Variants in PEMT observed in about 807,000 individuals in gnomAD.
The protein encoded by PEMT is phospholipid methyltransferase.
In PEMT, 23 loss-of-function variants were observed where a neutral mutation model predicts 27.4. That is an observed-to-expected ratio of 0.84 (90% CI 0.60 to 1.19). PEMT has a LOEUF of 1.19. Ranked by LOEUF, PEMT falls within the 50% of genes most tolerant of loss-of-function variation. The probability of loss-of-function intolerance (pLI) is 0.00; values close to 1 mark genes in which losing one functional copy is unlikely to be tolerated. For missense variants in PEMT, 307 were observed against 310.1 expected (o/e 0.99, Z 0.07); for synonymous variants, 137 against 139.1 (o/e 0.98, Z 0.11).
At chr17:17,571,337 G>C (rs893237168) in intron 2 of PEMT, among the ~76,000 whole-genome samples, 1 of 152,152 alleles carries the variant, frequency 6.6e-6, no homozygotes, top group Non-Finnish European at 1.5e-5. Flanking sequence ...TCCAGGAAGA[G>C]TGAGGGTCCG....
intron 1 of PEMT, among the ~76,000 whole-genome samples, chr17:17,579,138 G>T (rs1293497716): frequency 6.6e-6 from 1 of 152,198 alleles, no homozygotes; most frequent in Non-Finnish European, 1.5e-5. Context: ...GCCCTGGGGG[G>T]CAAGCGCAGC....
At chr17:17,570,633 A>G (rs1487188203) in intron 2 of PEMT, 4 of 985,314 alleles carry the variant, frequency 4.1e-6, no homozygotes, top group Non-Finnish European at 4.8e-6. Flanking sequence ...TCACCCAGAA[A>G]GGCCCAAGAC....
chr17:17,586,601 A>C (rs1912328538), intron 1 of PEMT, among the ~76,000 whole-genome samples: 1 of 152,238 alleles, frequency 6.6e-6, no homozygotes, highest in Admixed American at 6.5e-5. Context: ...ACTGAATGAA[A>C]ATGAGAATAG....
intron 2 of PEMT, among the ~76,000 whole-genome samples, chr17:17,556,211 A>G (rs1910041928): frequency 6.6e-6 from 1 of 152,232 alleles, no homozygotes; most frequent in Non-Finnish European, 1.5e-5. Flanking sequence ...ACTCAGGAAC[A>G]GGTCTTCTGA....
At chr17:17,586,683 G>A (rs1439982977) in intron 1 of PEMT, among the ~76,000 whole-genome samples, 4 of 152,142 alleles carry the variant, frequency 2.6e-5, no homozygotes, top group Non-Finnish European at 4.4e-5. Flanking sequence ...CCCAGGTCAG[G>A]AATATAAGCT....
intron 3 of PEMT, among the ~76,000 whole-genome samples, chr17:17,516,496 T>TGG (rs1036909327): frequency 3.3e-5 from 5 of 152,142 alleles, no homozygotes; most frequent in Admixed American, 2.0e-4. Flanking sequence ...AGGGGCAGGA[T>TGG]GGCTCTCCTG....
At chr17:17,557,040 C>T (rs1264334669) in intron 2 of PEMT, among the ~76,000 whole-genome samples, 1 of 152,210 alleles carries the variant, frequency 6.6e-6, no homozygotes, top group Non-Finnish European at 1.5e-5. Context: ...CCTCACCTTG[C>T]TGAGCTGCTT....
chr17:17,580,210 G>A (rs1308662260), intron 1 of PEMT, among the ~76,000 whole-genome samples: 6 of 152,194 alleles, frequency 3.9e-5, no homozygotes, highest in East Asian at 3.9e-4. Context: ...TCCAGTCTAG[G>A]CATGGTGGCC....
intron 1 of PEMT, among the ~76,000 whole-genome samples, chr17:17,585,799 C>T (rs1316409632): frequency 1.3e-5 from 2 of 151,718 alleles, no homozygotes; most frequent in African/African-American, 2.4e-5. Context: ...AAAAATTTGT[C>T]GGGCCGGGCG....
chr17:17,567,716 G>C (rs550309237), intron 2 of PEMT, among the ~76,000 whole-genome samples: 12 of 152,376 alleles, frequency 7.9e-5, no homozygotes, highest in African/African-American at 2.6e-4. Flanking sequence ...CAGTATCTTA[G>C]GTGACACTGG....
intron 2 of PEMT, among the ~76,000 whole-genome samples, chr17:17,533,793 C>T (rs900911097): frequency 4.0e-5 from 6 of 151,266 alleles, no homozygotes; most frequent in African/African-American, 9.7e-5. Context: ...TGCAGTGGTG[C>T]GATCTCGGCT....
At chr17:17,570,788 T>G in intron 2 of PEMT, 2 of 985,458 alleles carry the variant, frequency 2.0e-6, no homozygotes, top group Non-Finnish European at 2.4e-6. Context: ...GGAGACTGGC[T>G]GCAAGCAGCT....
chr17:17,585,017 G>A (rs563939183), intron 1 of PEMT, among the ~76,000 whole-genome samples: 7 of 152,316 alleles, frequency 4.6e-5, no homozygotes, highest in African/African-American at 1.4e-4. Context: ...ACAACCCTGC[G>A]AGGCATGCCC....
At position 17,581,407 on chromosome 17, in the gene PEMT, C is replaced by A. The variant is rs760625354; in HGVS notation, c.97-4380G>T. On this transcript the variant is annotated intron_variant, in intron 1 of 6. Transcript: ENST00000255389. ...AAGAGCAAAGCCTCCAGACCCCAGG[C>A]AGTGAGGAGCAGAGCCAGCCTGAGC... is the stretch of plus-strand genomic sequence containing the variant. Among the ~76,000 whole-genome samples the A allele has an allele frequency of 3.9e-5, 6 of 152,162 alleles. No homozygotes were observed. In the South Asian group the frequency reaches 6.2e-4, roughly 16 times the overall value.
At chr17:17,560,252 A>G (rs930395105) in intron 2 of PEMT, among the ~76,000 whole-genome samples, 1 of 152,174 alleles carries the variant, frequency 6.6e-6, no homozygotes. Context: ...AGAGGCAAGA[A>G]CATGCCTGGG....
chr17:17,507,040 C>T, intron 5 of PEMT: 1 of 888,112 alleles, frequency 1.1e-6, no homozygotes, highest in Non-Finnish European at 1.8e-6. Flanking sequence ...GTGACCAGCT[C>T]CTGACCCCGC....
intron 6 of PEMT, 80 bp from the exon 7 acceptor site, chr17:17,505,928 A>G: frequency 6.7e-7 from 1 of 1,493,770 alleles, no homozygotes; most frequent in South Asian, 1.4e-5. Flanking sequence ...TGCGTCCATC[A>G]GCTTGAGGGT....
chr17:17,552,145 C>T (rs375898262), intron 2 of PEMT, among the ~76,000 whole-genome samples: 3 of 151,938 alleles, frequency 2.0e-5, no homozygotes, highest in African/African-American at 7.2e-5. Context: ...GAGGTTGTCT[C>T]TACAAAAAAT....
intron 2 of PEMT, among the ~76,000 whole-genome samples, chr17:17,553,681 C>T (rs1276792362): frequency 6.6e-6 from 1 of 152,250 alleles, no homozygotes; most frequent in Admixed American, 6.5e-5. Flanking sequence ...TCTCGCAGGA[C>T]AGCCACGTCC....
Sources: gnomAD v4.1 joint callset for allele counts (sites outside exome capture counted in the v4.1 genomes callset) on GRCh38, gnomAD v4.1.1 for gene constraint, MANE v1.5 for transcripts, NCBI Gene and HGNC (gene_info 2026-07-23, HGNC 2026-07-21) for gene names.